The following CKAP2 variants were observed in gnomAD, a reference collection of about 807,000 sequenced individuals.
CKAP2 encodes the protein cytoskeleton associated protein 2.
CKAP2 carries 46 observed loss-of-function variants against 58.4 expected under a neutral mutation model. The observed-to-expected ratio is 0.79, with a 90% CI of 0.62 to 1.01. CKAP2 has a LOEUF of 1.01. Among genes scored for constraint, CKAP2 ranks in the 50% least tolerant of loss-of-function variants. The probability of loss-of-function intolerance (pLI) is 0.00; values close to 1 mark genes in which losing one functional copy is unlikely to be tolerated. For missense variants in CKAP2, 809 were observed against 796.4 expected, an observed-to-expected ratio of 1.02 and a Z score of -0.19; for synonymous variants, 293 against 280.9, an observed-to-expected ratio of 1.04 and a Z score of -0.43.
At chr13:52,467,781 A>C (rs910955207) in intron 6 of CKAP2, among the ~76,000 whole-genome samples, 1 of 150,764 alleles carries the variant, frequency 6.6e-6, no homozygotes, top group African/African-American at 2.4e-5. Flanking sequence ...AAAGACAGCC[A>C]TTTTTCGTTT....
rs751071632 is a variant in CKAP2 at position 52,465,687 on chromosome 13, C to G, written c.1476+222C>G. 1.6e-5 allele frequency: 10 copies of G among 630,360 alleles called. 1 individual carries two copies. The highest frequency in any genetic ancestry group is 1.4e-4 in the South Asian group (9 of 63,448). The allele number at this position is 630,360 out of a possible 1,614,324, so 39.0% of individuals were successfully genotyped here. A position where few individuals can be genotyped will look rare whatever the true frequency, so the allele number is the denominator to read the frequency against. On this transcript the variant is annotated intron_variant, in intron 6 of 8. Coordinates refer to ENST00000258607, the MANE Select transcript of CKAP2 (RefSeq NM_018204.5). ...TCAGATTTTAGAAAATGGATATAAG[C>G]TGAAATGTATATTTAATGAAACTTT...
chr13:52,474,554 A>G (rs1958802649), intron 8 of CKAP2, among the ~76,000 whole-genome samples: 1 of 152,188 alleles, frequency 6.6e-6, no homozygotes, highest in Admixed American at 6.5e-5. Context: ...TTCACCTCTT[A>G]AATACTGTAT....
intron 8 of CKAP2, among the ~76,000 whole-genome samples, chr13:52,474,455 C>G (rs1958801680): frequency 6.6e-6 from 1 of 152,166 alleles, no homozygotes; most frequent in Non-Finnish European, 1.5e-5. Flanking sequence ...TGCCACTGTC[C>G]TCCAGCCTGG....
In CKAP2 at chr13:52,461,251, C is replaced by T. The variant is rs370214081; in HGVS notation, c.425C>T (p.Thr142Ile). ...GATGATCCCCAAAGTCAACATATGA[C>T]ATTAAGCCAGGCATTTCACCTTAAA... ...TEDDPQSQHM[T>I]LSQAFHLKNN... Residue 142 changes from threonine to isoleucine, a missense_variant, in exon 4 of 9, where the codon ACA (threonine) becomes ATA (isoleucine). Around this residue, in one of 3 missense-constraint regions of CKAP2, gnomAD observed 523 missense variants for 492.4 expected, o/e 1.06. Transcript: ENST00000258607. The T allele has an allele frequency of 4.4e-5, 71 of 1,613,646 alleles. No individual in the cohort carries two copies. The highest frequency in any genetic ancestry group is 6.0e-5 in the Non-Finnish European group (71 of 1,179,936).
At chr13:52,464,702 T>G (rs560067287) in intron 5 of CKAP2, among the ~76,000 whole-genome samples, 16 of 152,270 alleles carry the variant, frequency 1.1e-4, no homozygotes, top group African/African-American at 3.6e-4. Flanking sequence ...TAATAGATAA[T>G]ATCTTTGTTT....
chr13:52,455,756 C>A, intron 1 of CKAP2, 130 bp downstream of exon 1: 2 of 1,092,176 alleles, frequency 1.8e-6, no homozygotes, highest in Non-Finnish European at 2.4e-6. Flanking sequence ...CTGAACGCGG[C>A]GTCGGCCTCG....
In CKAP2 at chr13:52,455,775, C is replaced by T. The variant is rs1000594134; in HGVS notation, c.70+149C>T. The stretch of plus-strand genomic sequence containing the variant: ...ACGCGGCGTCGGCCTCGCCCTGCCT[C>T]ATTCTTGGCCTTGTGGAACGGATCA... On this transcript the variant is annotated intron_variant, in intron 1 of 8. Coordinates refer to ENST00000258607, the MANE Select transcript of CKAP2 (RefSeq NM_018204.5). 2.3e-5 allele frequency: 23 copies of T among 991,942 alleles called. No individual in the cohort carries two copies. In the Middle Eastern group the frequency reaches 1.1e-3, roughly 45 times the overall value. The allele number at this position is 991,942 out of a possible 1,614,324, so 61.4% of individuals were successfully genotyped here.
Position 52,461,634 on chromosome 13 carries a change from G to C in CKAP2, c.808G>C (p.Gly270Arg). Residue 270 changes from glycine to arginine, a missense_variant, in exon 4 of 9, where the codon GGC (glycine) becomes CGC (arginine). Coordinates refer to ENST00000258607, the MANE Select transcript of CKAP2 (RefSeq NM_018204.5). ...HSNTRDTVKQ[G>R]ISRTSANVTI... ...TAATACCCGGGACACTGTGAAACAA[G>C]GCATCAGTAGAACTTCTGCCAATGT... The C allele has an allele frequency of 6.2e-7, 1 of 1,614,076 alleles. No homozygotes were observed. The highest frequency in any genetic ancestry group is 1.1e-5 in the South Asian group (1 of 91,074).
chr13:52,456,190 A>T (rs1347572516), intron 1 of CKAP2: 92 of 1,063,772 alleles, frequency 8.6e-5, no homozygotes, highest in Non-Finnish European at 1.0e-4. Flanking sequence ...GTAAATTAGA[A>T]CTTTCGAGTC....
At chr13:52,463,227 T>G (rs981786870) in intron 5 of CKAP2, among the ~76,000 whole-genome samples, 2 of 152,108 alleles carry the variant, frequency 1.3e-5, no homozygotes, top group Non-Finnish European at 2.9e-5. Context: ...TGTGAGCCAC[T>G]GCGCTCGGCC....
chr13:52,458,621 G>C (rs1242604995), intron 2 of CKAP2, among the ~76,000 whole-genome samples: 1 of 152,200 alleles, frequency 6.6e-6, no homozygotes, highest in Non-Finnish European at 1.5e-5. Flanking sequence ...CCAGCACTTT[G>C]GGAGGCTGAG....
rs902879779 is a variant in CKAP2, at chr13:52,459,077, T to C, written c.156-1822T>C. Among the ~76,000 whole-genome samples the C allele has an allele frequency of 2.0e-5, 3 of 152,142 alleles. 1 individual carries two copies. The highest frequency in any genetic ancestry group is 4.2e-4 in the South Asian group (2 of 4,812). On this transcript the variant is annotated intron_variant, in intron 2 of 8. Coordinates refer to ENST00000258607, the MANE Select transcript of CKAP2 (RefSeq NM_018204.5). ...GGATTAAGTCTCCCCACTGGACAGGTGAGTAAGATGGGTTCTTCTTGTCAT... is the reference window on the plus strand; with the variant it reads ...GGATTAAGTCTCCCCACTGGACAGGCGAGTAAGATGGGTTCTTCTTGTCAT...
intron 6 of CKAP2, chr13:52,465,740 G>T: frequency 3.8e-6 from 2 of 523,624 alleles, no homozygotes; most frequent in Non-Finnish European, 7.3e-6. Context: ...GCATATTATT[G>T]TATGCATTTC....
Position 52,475,831 on chromosome 13 carries a change from C to G in CKAP2, c.*690C>G, listed in dbSNP as rs1312369615. Reference sequence around the variant, plus strand: ...GTTTACTTAATTAAATACCGCATTTCTAAGAGAAGATACTTTGTGTAAGAA... The same window carrying G: ...GTTTACTTAATTAAATACCGCATTTGTAAGAGAAGATACTTTGTGTAAGAA... On this transcript the variant is annotated 3_prime_UTR_variant, in exon 9 of 9. Coordinates refer to ENST00000258607, the MANE Select transcript of CKAP2 (RefSeq NM_018204.5). 1.3e-5 allele frequency: 2 copies of G among 152,162 alleles called. No homozygotes were observed. Among genetic ancestry groups the G allele is most frequent in the African/African-American group, 4.8e-5 (2 of 41,434 alleles). The allele number at this position is 152,162 out of a possible 1,614,324, so 9.4% of individuals were successfully genotyped here.
intron 1 of CKAP2, chr13:52,456,004 C>G: frequency 9.4e-7 from 1 of 1,067,206 alleles, no homozygotes; most frequent in Non-Finnish European, 1.1e-6. Context: ...CCTCTTAGGT[C>G]CCTAGCGAAT....
chr13:52,473,610 A>C (rs1413350238), intron 7 of CKAP2: 1 of 430,414 alleles, frequency 2.3e-6, no homozygotes, highest in Non-Finnish European at 4.1e-6. Flanking sequence ...GGTTTTAATA[A>C]TCCTTTGTTC....
rs1305889497 is a variant in CKAP2 at position 52,466,538 on chromosome 13, T to C, written c.1476+1073T>C. ...GGAGTGTTAGGCCCCTACTACATTGTATCAGAAGGGACATTACTTAAGGCA... is the reference window on the plus strand; with the variant it reads ...GGAGTGTTAGGCCCCTACTACATTGCATCAGAAGGGACATTACTTAAGGCA... On this transcript the variant is annotated intron_variant, in intron 6 of 8. Transcript: ENST00000258607. Among the ~76,000 whole-genome samples the C allele has an allele frequency of 2.0e-5, 3 of 152,200 alleles. No homozygotes were observed. In the East Asian group the frequency reaches 5.8e-4, roughly 29 times the overall value.
chr13:52,471,782 T>C (rs1318428306), intron 7 of CKAP2, among the ~76,000 whole-genome samples: 3 of 152,198 alleles, frequency 2.0e-5, no homozygotes, highest in Admixed American at 1.3e-4. Flanking sequence ...ATCTATCTAC[T>C]TCACTCCATT....
intron 5 of CKAP2, among the ~76,000 whole-genome samples, chr13:52,465,046 G>A (rs1436039605): frequency 1.3e-5 from 2 of 152,122 alleles, no homozygotes; most frequent in Admixed American, 6.5e-5. Flanking sequence ...AAAAAACTCC[G>A]CAGACTATTC....
Sources: allele counts gnomAD v4.1 joint callset (sites outside exome capture counted in the v4.1 genomes callset), GRCh38; gene constraint gnomAD v4.1.1; regional missense constraint gnomAD v4.1.1; transcripts MANE v1.5; gene names NCBI Gene and HGNC (gene_info 2026-07-23, HGNC 2026-07-21).